Variants in POGK observed in about 807,000 individuals in gnomAD.
POGK encodes pogo transposable element with KRAB domain.
POGK carries 16 observed loss-of-function variants against 54.4 expected under a neutral mutation model. The ratio of observed to expected loss-of-function variants is 0.29; its 90% CI spans 0.20 to 0.45. The LOEUF is 0.45. POGK is among the 20% of genes least tolerant of loss of function. The pLI is 1.00. For synonymous variants in POGK, 271 were observed against 302.2 expected (o/e 0.90, Z 1.07); for missense variants, 515 against 795.6 (o/e 0.65, Z 4.24).
chr1:166,844,108 A>T (rs1657732580), intron 2 of POGK, among the ~76,000 whole-genome samples: 1 of 152,224 alleles, frequency 6.6e-6, no homozygotes, highest in Admixed American at 6.5e-5. Context: ...CCTCTGGAGC[A>T]TAATGTGGGC....
In POGK at chr1:166,850,187, C is replaced by G. The variant is rs372380432; in HGVS notation, c.1608C>G (p.Thr536=). The part of the protein sequence containing the change: ...LLAGNLALSP[T]GNAKKPPLGL... Reference sequence around the variant, plus strand: ...CTGGGAACCTGGCGCTGAGCCCAACCGGGAATGCTAAGAAGCCACCCCTGG... The same window carrying G: ...CTGGGAACCTGGCGCTGAGCCCAACGGGGAATGCTAAGAAGCCACCCCTGG... The change falls in exon 5 of 6, where the codon ACC becomes ACG. Residue 536 remains threonine (T), a synonymous_variant. Coordinates refer to ENST00000367876, the MANE Select transcript of POGK (RefSeq NM_017542.5). 6.4e-7 allele frequency: 1 copy of G among 1,556,320 alleles called. No homozygotes were observed. Among genetic ancestry groups the G allele is most frequent in the Non-Finnish European group, 8.7e-7 (1 of 1,149,434 alleles).
chr1:166,841,939 C>G (rs1411754676), intron 2 of POGK, among the ~76,000 whole-genome samples: 1 of 151,894 alleles, frequency 6.6e-6, no homozygotes, highest in Non-Finnish European at 1.5e-5. Flanking sequence ...TTCTTCAAAA[C>G]AGGTCTCCTG....
intron 2 of POGK, among the ~76,000 whole-genome samples, chr1:166,841,594 C>T (rs1657515680): frequency 6.6e-6 from 1 of 152,180 alleles, no homozygotes; most frequent in African/African-American, 2.4e-5. Flanking sequence ...TCAGGGTATA[C>T]ACGCAGAATA....
chr1:166,842,769 T>G (rs1021910616), intron 2 of POGK, among the ~76,000 whole-genome samples: 2 of 151,754 alleles, frequency 1.3e-5, no homozygotes, highest in Admixed American at 6.6e-5. Flanking sequence ...GACTGGGAGA[T>G]CCTCCTGGCA....
Position 166,841,030 on chromosome 1 carries a change from A to C in POGK, c.74A>C (p.Glu25Ala). 1 of 1,613,866 alleles carries C rather than the reference A, an allele frequency of 6.2e-7. No individual in the cohort carries two copies. The highest frequency in any genetic ancestry group is 8.5e-7 in the Non-Finnish European group (1 of 1,179,988). Residue 25 changes from glutamate (E) to alanine (A), a missense_variant, in exon 2 of 6, where the codon GAA becomes GCA. By Grantham distance (107) the Glu-to-Ala change is moderately radical. Coordinates refer to ENST00000367876, the MANE Select transcript of POGK (RefSeq NM_017542.5). ...EEEEEEIQSR[E>A]LEDGPADMQK... The stretch of plus-strand genomic sequence containing the variant: ...GAGGAAGAAGAGATTCAGAGCCGGG[A>C]ACTAGAGGACGGCCCGGCAGACATG...
chr1:166,853,940 G>T lies in POGK; in HGVS notation c.*1370G>T, dbSNP rs1448100379. The T allele has an allele frequency of 6.6e-6, 1 of 152,104 alleles. No individual in the cohort carries two copies. Among genetic ancestry groups the T allele is most frequent in the Non-Finnish European group, 1.5e-5 (1 of 68,032 alleles). 9.4% of individuals were successfully genotyped at this position (152,104 alleles called of 1,614,324 possible). A position where few individuals can be genotyped will look rare whatever the true frequency, so the allele number is the denominator to read the frequency against. ...CAATATTTGAATTGTTGCCCCATTT[G>T]CTTTTACCTGTACTGTATTCTTGGT... On this transcript the variant is annotated 3_prime_UTR_variant, in exon 6 of 6. Transcript: ENST00000367876.
chr1:166,854,695 CAT>C lies in POGK; in HGVS notation c.*2126_*2127del, dbSNP rs1433261190. On this transcript the variant is annotated 3_prime_UTR_variant, in exon 6 of 6. Coordinates refer to ENST00000367876, the MANE Select transcript of POGK (RefSeq NM_017542.5). ...GACATAAATAGCTTTTTTCCTCAGT[CAT>C]GTTTTGTATGCTCTCAGCAGTGGTA... 6.6e-6 allele frequency: 1 copy of C among 152,164 alleles called. No individual in the cohort carries two copies. The highest frequency in any genetic ancestry group is 1.5e-5 in the Non-Finnish European group (1 of 68,040). 9.4% of individuals were successfully genotyped at this position (152,164 alleles called of 1,614,324 possible).
rs569975750 is a variant in POGK, at chr1:166,842,665, A to C, written c.132+1577A>C. Among the ~76,000 whole-genome samples, 3 of 152,288 alleles carry C rather than the reference A, an allele frequency of 2.0e-5. No individual in the cohort carries two copies. The South Asian group carries it at 6.2e-4, about 32-fold the overall frequency. ...TGCCCCCACCCCTGGACATTTGGCA[A>C]CATCTAGAAACACTACCCCCTTTCC... is the stretch of plus-strand genomic sequence containing the variant. On this transcript the variant is annotated intron_variant, in intron 2 of 5. Transcript: ENST00000367876.
Position 166,846,607 on chromosome 1 carries a change from TC to T in POGK, c.133-3del. ...TCATTGTGAAAGGGCTGTTCACTCTTCCAGGTACCGGCCCTATTTGATGAGG... is the reference window on the plus strand; with the variant it reads ...TCATTGTGAAAGGGCTGTTCACTCTTCAGGTACCGGCCCTATTTGATGAGG... On this transcript the variant is annotated splice_polypyrimidine_tract_variant and splice_region_variant and intron_variant, in intron 2 of 5. Coordinates refer to ENST00000367876, the MANE Select transcript of POGK (RefSeq NM_017542.5). The T allele has an allele frequency of 6.2e-7, 1 of 1,614,144 alleles. No individual in the cohort carries two copies. Among genetic ancestry groups the T allele is most frequent in the Non-Finnish European group, 8.5e-7 (1 of 1,180,008 alleles).
intron 5 of POGK, 103 bp from the exon 6 acceptor site, chr1:166,852,482 C>G (rs1329356664): frequency 1.3e-5 from 2 of 152,216 alleles, no homozygotes. Flanking sequence ...AAAACTACGT[C>G]TTGGCCTCTA....
In POGK at chr1:166,855,181, A is replaced by C. The variant is rs746059003; in HGVS notation, c.*2611A>C. The C allele has an allele frequency of 6.6e-6, 1 of 152,208 alleles. No individual in the cohort carries two copies. Among genetic ancestry groups the C allele is most frequent in the African/African-American group, 2.4e-5 (1 of 41,446 alleles). 9.4% of individuals were successfully genotyped at this position (152,208 alleles called of 1,614,324 possible). A position where few individuals can be genotyped will look rare whatever the true frequency, so the allele number is the denominator to read the frequency against. On this transcript the variant is annotated 3_prime_UTR_variant, in exon 6 of 6. Coordinates refer to ENST00000367876, the MANE Select transcript of POGK (RefSeq NM_017542.5). ...TTTTAATTCAGAACAACAAAAGAAC[A>C]TGCTAAGCGAGTCCTCCCACCTGCC...
chr1:166,848,846 A>T, intron 4 of POGK, 92 bp from the exon 5 acceptor site: 1 of 1,450,216 alleles, frequency 6.9e-7, no homozygotes, highest in Admixed American at 2.3e-5. Context: ...ACTTCAGATT[A>T]AGGTATTCTT....
intron 2 of POGK, among the ~76,000 whole-genome samples, chr1:166,844,426 G>A (rs1343375991): frequency 1.3e-5 from 2 of 152,166 alleles, no homozygotes; most frequent in Non-Finnish European, 2.9e-5. Flanking sequence ...AAAGGAGTAG[G>A]GTGGAAAATT....
rs1413312095 is a variant in POGK, at chr1:166,854,587, CAAA to C, written c.*2020_*2022del. 6.6e-6 allele frequency: 1 copy of C among 152,150 alleles called. No homozygotes were observed. The highest frequency in any genetic ancestry group is 1.5e-5 in the Non-Finnish European group (1 of 68,032). 9.4% of individuals were successfully genotyped at this position (152,150 alleles called of 1,614,324 possible). On this transcript the variant is annotated 3_prime_UTR_variant, in exon 6 of 6. Coordinates refer to ENST00000367876, the MANE Select transcript of POGK (RefSeq NM_017542.5). ...GTACCAATATATTACATCTTTCAGT[CAAA>C]AAGTGTTCATGAGATGCAGTGTAAG...
rs749116177 is a variant in POGK, at chr1:166,850,029, T to A, written c.1450T>A (p.Ser484Thr). 5.6e-6 allele frequency: 9 copies of A among 1,614,160 alleles called. No individual in the cohort carries two copies. Among genetic ancestry groups the A allele is most frequent in the Non-Finnish European group, 6.8e-6 (8 of 1,180,024 alleles). The change falls in exon 5 of 6, where the codon TCC (serine) becomes ACC (threonine). Residue 484 changes from serine (S) to threonine (T), a missense_variant. This residue lies in a region of POGK where 461 missense variants were observed against 743.5 expected (regional missense o/e 0.62). Coordinates refer to ENST00000367876, the MANE Select transcript of POGK (RefSeq NM_017542.5). ...CCATGCCACAGATTCCGTGAAGAAC[T>A]CCATGGAAAGCATGAACACTGACAT... ...RGHATDSVKN[S>T]MESMNTDMVI...
intron 2 of POGK, among the ~76,000 whole-genome samples, chr1:166,841,303 C>T (rs528410533): frequency 2.6e-5 from 4 of 152,320 alleles, no homozygotes; most frequent in East Asian, 1.9e-4. Context: ...AGCTTGTCAT[C>T]GTTCAATTGG....
chr1:166,842,838 CA>C (rs1275526099), intron 2 of POGK, among the ~76,000 whole-genome samples: 3 of 152,146 alleles, frequency 2.0e-5, no homozygotes, highest in African/African-American at 7.2e-5. Flanking sequence ...GATGCCCCCC[CA>C]CCACCACACA....
At chr1:166,844,522 G>A (rs1432564639) in intron 2 of POGK, among the ~76,000 whole-genome samples, 1 of 152,128 alleles carries the variant, frequency 6.6e-6, no homozygotes, top group Non-Finnish European at 1.5e-5. Context: ...TTCACACTTA[G>A]GGATGTTTGT....
At position 166,849,118 on chromosome 1, in the gene POGK, A is replaced by T. The variant is rs1321779205; in HGVS notation, c.539A>T (p.Asp180Val). 1 of 1,613,890 alleles carries T rather than the reference A, an allele frequency of 6.2e-7. No individual in the cohort carries two copies. The highest frequency in any genetic ancestry group is 1.3e-5 in the African/African-American group (1 of 74,858). The change falls in exon 5 of 6, where the codon GAC becomes GTC. Residue 180 changes from aspartate to valine, a missense_variant. This residue lies in a region of POGK where 461 missense variants were observed against 743.5 expected (regional missense o/e 0.62). Transcript: ENST00000367876. Reference sequence around the variant, plus strand: ...ATGGCCATGGGCTTCCCAGGGTATGACCTCTCGGCTGATGACATAGCTGGG... The same window carrying T: ...ATGGCCATGGGCTTCCCAGGGTATGTCCTCTCGGCTGATGACATAGCTGGG... ...FYMAMGFPGY[D>V]LSADDIAGKF...
Sources: allele counts gnomAD v4.1 joint callset (sites outside exome capture counted in the v4.1 genomes callset), GRCh38; gene constraint gnomAD v4.1.1; regional missense constraint gnomAD v4.1.1; transcripts MANE v1.5; gene names NCBI Gene and HGNC (gene_info 2026-07-23, HGNC 2026-07-21).